The following FLRT1 variants were observed in gnomAD, a reference collection of about 807,000 sequenced individuals.
The protein encoded by FLRT1 is leucine-rich repeat transmembrane protein FLRT1.
Under a neutral mutation model 30.9 loss-of-function variants are expected in FLRT1, and 14 were observed. That is an observed-to-expected ratio of 0.45 (90% CI 0.30 to 0.71). The LOEUF (loss-of-function observed/expected upper bound fraction) is 0.71. FLRT1 is among the 30% of genes least tolerant of loss of function. The pLI is 0.08. For synonymous variants in FLRT1, 368 were observed against 430.4 expected, an observed-to-expected ratio of 0.85 and a Z score of 1.80; for missense variants, 737 against 949.2, an observed-to-expected ratio of 0.78 and a Z score of 2.94.
intron 2 of FLRT1, among the ~76,000 whole-genome samples, chr11:64,112,826 A>T (rs754037812): frequency 6.6e-6 from 1 of 152,222 alleles, no homozygotes; most frequent in Non-Finnish European, 1.5e-5. Flanking sequence ...GGGCCTTAGC[A>T]GCCACCTTGA....
chr11:64,045,195 C>A (rs487895), intron 1 of FLRT1, among the ~76,000 whole-genome samples: 1 of 150,404 alleles, frequency 6.6e-6, no homozygotes, highest in African/African-American at 2.5e-5. Flanking sequence ...AGCTGGGCCT[C>A]GCTGCCCGCT....
chr11:64,092,416 G>A (rs757590941), intron 1 of FLRT1, among the ~76,000 whole-genome samples: 1 of 152,214 alleles, frequency 6.6e-6, no homozygotes, highest in Non-Finnish European at 1.5e-5. Context: ...CTCTGACCCT[G>A]CCTATGGAGG....
At chr11:64,068,827 G>T (rs541931418) in intron 1 of FLRT1, among the ~76,000 whole-genome samples, 2 of 152,230 alleles carry the variant, frequency 1.3e-5, no homozygotes, top group Admixed American at 1.3e-4. Flanking sequence ...CTGTGTCACT[G>T]AGCAGCCCTC....
chr11:64,101,438 T>C (rs149960810), intron 1 of FLRT1, among the ~76,000 whole-genome samples: 1,707 of 152,232 alleles, frequency 0.011, 24 homozygotes, highest in Non-Finnish European at 0.014. Flanking sequence ...TTTCTCTCTT[T>C]ATCGGGAGGC....
At chr11:64,073,660 G>A (rs1438730773) in intron 1 of FLRT1, among the ~76,000 whole-genome samples, 1 of 152,250 alleles carries the variant, frequency 6.6e-6, no homozygotes, top group Admixed American at 6.5e-5. Context: ...CCGGGAGCCT[G>A]TGAGGTCTGG....
intron 2 of FLRT1, among the ~76,000 whole-genome samples, chr11:64,107,031 G>A (rs1474248012): frequency 6.6e-6 from 1 of 152,018 alleles, no homozygotes; most frequent in African/African-American, 2.4e-5. Context: ...TTACAGGCAT[G>A]CACCACCATG....
chr11:64,051,355 C>T (rs867960944), intron 1 of FLRT1, among the ~76,000 whole-genome samples: 2 of 152,168 alleles, frequency 1.3e-5, no homozygotes, highest in African/African-American at 2.4e-5. Context: ...GGGGTGGGTG[C>T]GTGTGGTCAC....
chr11:64,117,524 G>A lies in FLRT1; in HGVS notation c.1257G>A (p.Leu419=), dbSNP rs1371018486. The change falls in exon 3 of 3, where the codon CTG becomes CTA. Residue 419 remains leucine, a synonymous_variant. Transcript: ENST00000682287. ...CCCTCAAGGCCAAAAGGCCAGGGCT[G>A]CGCCTCCCCGACTCCAACATTGACT... The part of the protein sequence containing the change: ...LFTLKAKRPG[L]RLPDSNIDYP... The A allele has an allele frequency of 4.4e-6, 7 of 1,604,044 alleles. No individual in the cohort carries two copies. The highest frequency in any genetic ancestry group is 3.3e-5 in the South Asian group (3 of 90,088).
At chr11:64,098,476 C>T (rs927871836) in intron 1 of FLRT1, among the ~76,000 whole-genome samples, 9 of 152,234 alleles carry the variant, frequency 5.9e-5, no homozygotes, top group Admixed American at 5.2e-4. Context: ...TCTCCCTGCC[C>T]CCAGCCTTCT....
At chr11:64,084,525 A>G (rs1349029767) in intron 1 of FLRT1, among the ~76,000 whole-genome samples, 1 of 152,214 alleles carries the variant, frequency 6.6e-6, no homozygotes, top group African/African-American at 2.4e-5. Flanking sequence ...GGCTTGGGTC[A>G]TCGCTGCTGC....
intron 1 of FLRT1, among the ~76,000 whole-genome samples, chr11:64,069,501 A>G (rs1944066345): frequency 6.6e-6 from 1 of 152,152 alleles, no homozygotes; most frequent in Non-Finnish European, 1.5e-5. Flanking sequence ...GCTCTGGGGT[A>G]GGGGAAGGGC....
chr11:64,061,659 T>C (rs1299533362), intron 1 of FLRT1, among the ~76,000 whole-genome samples: 1 of 152,032 alleles, frequency 6.6e-6, no homozygotes, highest in Non-Finnish European at 1.5e-5. Flanking sequence ...TTTGATATGA[T>C]ACTATCAAGG....
At chr11:64,083,098 A>G (rs1677861432) in intron 1 of FLRT1, 1 of 152,350 alleles carries the variant, frequency 6.6e-6, no homozygotes. Flanking sequence ...CAGGGGGGCA[A>G]AGTGACTCCA....
chr11:64,047,925 C>A (rs1489884447), intron 1 of FLRT1, among the ~76,000 whole-genome samples: 3 of 149,802 alleles, frequency 2.0e-5, no homozygotes. Flanking sequence ...AGGAAGGAAG[C>A]AGGAAAGCAG....
intron 1 of FLRT1, among the ~76,000 whole-genome samples, chr11:64,050,652 CTT>C (rs1223286825): frequency 1.3e-5 from 2 of 152,342 alleles, no homozygotes; most frequent in African/African-American, 2.4e-5. Context: ...GACTTTCACT[CTT>C]GTCGCCCAGG....
intron 1 of FLRT1, among the ~76,000 whole-genome samples, chr11:64,079,026 G>T (rs776140640): frequency 6.6e-6 from 1 of 151,466 alleles, no homozygotes. Flanking sequence ...ATGGGACTGG[G>T]TTCCCAGGGG....
At chr11:64,059,928 G>A (rs371704730) in intron 1 of FLRT1, among the ~76,000 whole-genome samples, 2 of 152,182 alleles carry the variant, frequency 1.3e-5, no homozygotes, top group African/African-American at 4.8e-5. Context: ...GACCTCCTGA[G>A]CAGCTGGGGC....
At chr11:64,072,034 C>T (rs9783361) in intron 1 of FLRT1, among the ~76,000 whole-genome samples, 1,821 of 152,312 alleles carry the variant, frequency 0.012, 22 homozygotes, top group South Asian at 0.052. Flanking sequence ...CACTATTGAC[C>T]GCCGCGCGCA....
chr11:64,076,283 A>G (rs1188319923), intron 1 of FLRT1, among the ~76,000 whole-genome samples: 2 of 152,162 alleles, frequency 1.3e-5, no homozygotes, highest in Non-Finnish European at 2.9e-5. Context: ...CCTCCACTGC[A>G]TGGGTCAAAA....
Sources: gnomAD v4.1 joint callset for allele counts (sites outside exome capture counted in the v4.1 genomes callset) on GRCh38, gnomAD v4.1.1 for gene constraint, MANE v1.5 for transcripts, NCBI Gene and HGNC (gene_info 2026-07-23, HGNC 2026-07-21) for gene names.